Variants in FBXW8 observed in about 807,000 individuals in gnomAD.
The protein encoded by FBXW8 is F-box and WD repeat domain containing 8.
FBXW8 carries 57 observed loss-of-function variants against 65.3 expected under a neutral mutation model. That is an observed-to-expected ratio of 0.87 (90% confidence interval 0.71 to 1.09). The LOEUF (loss-of-function observed/expected upper bound fraction) is 1.09, where lower values mean the gene tolerates loss of function less well. FBXW8 is among the 50% of genes least tolerant of loss of function. The probability of loss-of-function intolerance (pLI) is 0.00; values close to 1 mark genes in which losing one functional copy is unlikely to be tolerated. For missense variants in FBXW8, 777 were observed against 814.8 expected (o/e 0.95, Z 0.57); for synonymous variants, 308 against 330.2 (o/e 0.93, Z 0.73).
Position 117,019,030 on chromosome 12 carries a change from G to A in FBXW8, c.1368-5117G>A, listed in dbSNP as rs11835876. Reference sequence around the variant, plus strand: ...GTTCCCATTATGGACTAAGGTTAGAGTTCTCTTTACAGCATTTATACTTTT... The same window carrying A: ...GTTCCCATTATGGACTAAGGTTAGAATTCTCTTTACAGCATTTATACTTTT... On this transcript the variant is annotated intron_variant, in intron 8 of 10. Transcript: ENST00000652555. Among the ~76,000 whole-genome samples, 577 of 152,286 alleles carry A rather than the reference G, an allele frequency of 3.8e-3. 4 individuals carry two copies. The highest frequency in any genetic ancestry group is 0.013 in the African/African-American group (546 of 41,562).
chr12:116,964,936 G>A, intron 5 of FBXW8, 82 bp downstream of exon 5: 1 of 1,419,078 alleles, frequency 7.0e-7, no homozygotes, highest in South Asian at 1.4e-5. Context: ...GCTCCCCCCT[G>A]TAATCCCTCC....
chr12:116,947,864 G>A (rs952286395), intron 3 of FBXW8, among the ~76,000 whole-genome samples: 6 of 152,206 alleles, frequency 3.9e-5, no homozygotes, highest in East Asian at 3.9e-4. Context: ...TGCTCATGGC[G>A]TCATGGTGAG....
intron 8 of FBXW8, among the ~76,000 whole-genome samples, chr12:117,011,125 TCC>T (rs1953797043): frequency 1.6e-5 from 2 of 122,868 alleles, no homozygotes; most frequent in African/African-American, 9.2e-5. Context: ...TTTTTTCTTT[TCC>T]TTTTTTTTTT....
At chr12:116,982,028 C>G (rs1885339247) in intron 5 of FBXW8, among the ~76,000 whole-genome samples, 2 of 151,868 alleles carry the variant, frequency 1.3e-5, no homozygotes, top group Non-Finnish European at 2.9e-5. Flanking sequence ...TTTTGGCTAA[C>G]AAGCCAACAA....
intron 7 of FBXW8, among the ~76,000 whole-genome samples, chr12:116,990,455 C>T (rs1299888194): frequency 2.0e-5 from 3 of 152,058 alleles, no homozygotes. Flanking sequence ...TTTTCCCATC[C>T]CTGGTGAGCT....
chr12:116,963,471 G>A (rs895478895), intron 4 of FBXW8, among the ~76,000 whole-genome samples: 7 of 152,168 alleles, frequency 4.6e-5, no homozygotes, highest in Non-Finnish European at 2.9e-5. Flanking sequence ...GGACATGGTG[G>A]TGCACGCCTA....
intron 8 of FBXW8, among the ~76,000 whole-genome samples, chr12:117,022,576 G>C (rs1356454002): frequency 2.0e-5 from 3 of 152,146 alleles, no homozygotes; most frequent in African/African-American, 7.2e-5. Flanking sequence ...GATCACCTGA[G>C]CCCAGGAAGC....
In FBXW8 at chr12:117,027,416, T is replaced by C. The variant is rs991571765; in HGVS notation, c.1564T>C (p.Phe522Leu). Residue 522 changes from phenylalanine to leucine, a missense_variant, in exon 10 of 11, where the codon TTC becomes CTC. By Grantham distance (22) the Phe-to-Leu change is conservative. Transcript: ENST00000652555. ...CAGGCACCCGGTGCAGCACATCTCA[T>C]TCAGCAGCCACAGCCTCATCACGGC... ...YSGHPVQHIS[F>L]SSHSLITANV... is the part of the protein sequence containing the mutation. 21 of 1,613,948 alleles carry C rather than the reference T, an allele frequency of 1.3e-5. No individual in the cohort carries two copies. Among genetic ancestry groups the C allele is most frequent in the Non-Finnish European group, 1.6e-5 (19 of 1,180,002 alleles).
chr12:117,005,622 G>A (rs1395473933), intron 7 of FBXW8, among the ~76,000 whole-genome samples: 3 of 152,194 alleles, frequency 2.0e-5, no homozygotes, highest in African/African-American at 4.8e-5. Flanking sequence ...TGACCTTGTC[G>A]AAACACCACG....
chr12:116,981,651 T>TC (rs1314033539), intron 5 of FBXW8, among the ~76,000 whole-genome samples: 1 of 151,526 alleles, frequency 6.6e-6, no homozygotes, highest in Non-Finnish European at 1.5e-5. Flanking sequence ...TCTCACTCCG[T>TC]CACCCAGGCT....
At chr12:117,008,449 G>A (rs532876839) in intron 7 of FBXW8, among the ~76,000 whole-genome samples, 11 of 152,110 alleles carry the variant, frequency 7.2e-5, no homozygotes, top group South Asian at 2.1e-4. Flanking sequence ...AATGTTCTGC[G>A]TCAGAAATTT....
intron 9 of FBXW8, among the ~76,000 whole-genome samples, chr12:117,025,546 G>A (rs1262470879): frequency 2.6e-5 from 4 of 152,216 alleles, no homozygotes; most frequent in African/African-American, 9.6e-5. Context: ...CCAAGAGGCG[G>A]CAGGGTTACA....
At chr12:116,925,636 C>T (rs536774889) in intron 1 of FBXW8, among the ~76,000 whole-genome samples, 6 of 152,068 alleles carry the variant, frequency 3.9e-5, no homozygotes, top group African/African-American at 1.4e-4. Flanking sequence ...ATTCTGAGAG[C>T]ACAGTGACTT....
intron 5 of FBXW8, among the ~76,000 whole-genome samples, chr12:116,973,831 C>G (rs1884769697): frequency 6.6e-6 from 1 of 152,264 alleles, no homozygotes; most frequent in Middle Eastern, 3.4e-3. Flanking sequence ...TATAGAAGTT[C>G]TTGCAGCTTT....
intron 1 of FBXW8, among the ~76,000 whole-genome samples, chr12:116,922,023 T>G (rs1880953040): frequency 6.6e-6 from 1 of 152,062 alleles, no homozygotes; most frequent in African/African-American, 2.4e-5. Flanking sequence ...AGAGACAGTG[T>G]CTCACTATGT....
chr12:116,949,662 A>G lies in FBXW8; in HGVS notation c.633A>G (p.Thr211=), dbSNP rs1235361419. The change falls in exon 4 of 11, where the codon ACA becomes ACG. Residue 211 remains threonine, a synonymous_variant. Transcript: ENST00000652555. ...GCGAGCTGGAGCATGTTCCTGACACAGTTTTGTGTGATGTGCATTCTCACG... is the reference window on the plus strand; with the variant it reads ...GCGAGCTGGAGCATGTTCCTGACACGGTTTTGTGTGATGTGCATTCTCACG... ...AVSELEHVPD[T]VLCDVHSHDG... The G allele has an allele frequency of 1.2e-6, 2 of 1,614,182 alleles. No homozygotes were observed. Among genetic ancestry groups the G allele is most frequent in the East Asian group, 2.2e-5 (1 of 44,884 alleles).
rs79542857 is a variant in FBXW8 at position 116,949,520 on chromosome 12, T to C, written c.589-98T>C. 5.4e-4 allele frequency: 534 copies of C among 997,122 alleles called. 2 individuals are homozygous for C. The African/African-American group carries it at 8.0e-3, about 15-fold the overall frequency. The allele number at this position is 997,122 out of a possible 1,614,324, so 61.8% of individuals were successfully genotyped here. On this transcript the variant is annotated intron_variant, in intron 3 of 10. Transcript: ENST00000652555. ...TTGAATGCACTTGTTGTCCATGCTG[T>C]AGAGAATTGCTGTGGAAAGTAGGTG...
At chr12:116,921,324 C>T (rs748143896) in intron 1 of FBXW8, among the ~76,000 whole-genome samples, 1 of 152,228 alleles carries the variant, frequency 6.6e-6, no homozygotes, top group Non-Finnish European at 1.5e-5. Flanking sequence ...TGCTCTTCCT[C>T]ATAGCTAGGC....
intron 2 of FBXW8, among the ~76,000 whole-genome samples, chr12:116,929,858 G>A (rs1881632427): frequency 6.6e-6 from 1 of 152,118 alleles, no homozygotes; most frequent in African/African-American, 2.4e-5. Flanking sequence ...GCCAGCCACT[G>A]GTAACCGCCA....
Sources: gnomAD v4.1 joint callset for allele counts (sites outside exome capture counted in the v4.1 genomes callset) on GRCh38, gnomAD v4.1.1 for gene constraint, MANE v1.5 for transcripts, NCBI Gene and HGNC (gene_info 2026-07-23, HGNC 2026-07-21) for gene names.